The following OR9Q1 variants were observed in gnomAD, a reference collection of about 807,000 sequenced individuals.
OR9Q1 encodes the protein olfactory receptor family 9 subfamily Q member 1, also known as olfactory receptor 9Q1.
For synonymous variants in OR9Q1, 153 were observed against 148.6 expected, an observed-to-expected ratio of 1.03 and a Z score of -0.22; for missense variants, 374 against 378.8, an observed-to-expected ratio of 0.99 and a Z score of 0.11.
In OR9Q1 at chr11:58,074,885, T is replaced by C. The variant is rs551994694; in HGVS notation, c.-15+18938T>C. On this transcript the variant is annotated intron_variant, in intron 2 of 2. Coordinates refer to ENST00000335397, the MANE Select transcript of OR9Q1 (RefSeq NM_001005212.4). The stretch of plus-strand genomic sequence containing the variant: ...GGAATCCTTTCTCCATTTCTTGTTT[T>C]TGTCAGGTTTGTCAAAGATCAGATG... Among the ~76,000 whole-genome samples the C allele has an allele frequency of 2.0e-5, 3 of 152,316 alleles. No homozygotes were observed. The East Asian group carries it at 5.8e-4, about 29-fold the overall frequency.
chr11:58,035,265 A>C (rs1853090177), intron 1 of OR9Q1, among the ~76,000 whole-genome samples: 1 of 47,884 alleles, frequency 2.1e-5, no homozygotes, highest in East Asian at 1.7e-3. Flanking sequence ...ATTGCAGAAA[A>C]AGAAAAAAAA....
intron 1 of OR9Q1, among the ~76,000 whole-genome samples, chr11:58,035,429 G>A (rs981203479): frequency 5.3e-5 from 8 of 152,148 alleles, no homozygotes; most frequent in African/African-American, 1.9e-4. Context: ...TGGTATTTTG[G>A]AAATTGAAGG....
intron 1 of OR9Q1, chr11:58,030,864 T>C: frequency 1.3e-6 from 1 of 792,094 alleles, no homozygotes; most frequent in Non-Finnish European, 2.1e-6. Flanking sequence ...TGAAAGGCAT[T>C]TTAGTACAAC....
intron 2 of OR9Q1, chr11:58,118,900 G>T: frequency 3.7e-6 from 6 of 1,614,004 alleles, no homozygotes; most frequent in Non-Finnish European, 4.2e-6. Flanking sequence ...CAGCAGGGGT[G>T]GGAGGTCACA....
chr11:58,136,092 A>G (rs1475039679), intron 2 of OR9Q1, among the ~76,000 whole-genome samples: 1 of 152,168 alleles, frequency 6.6e-6, no homozygotes, highest in African/African-American at 2.4e-5. Context: ...ATAATTTAAA[A>G]GAGCAGACAA....
At chr11:58,030,347 T>A (rs570781553) in intron 1 of OR9Q1, among the ~76,000 whole-genome samples, 2 of 152,294 alleles carry the variant, frequency 1.3e-5, no homozygotes, top group East Asian at 3.9e-4. Context: ...TCTCTCTGTA[T>A]CTTATTCCAG....
At position 58,125,208 on chromosome 11, in the gene OR9Q1, A is replaced by T. The variant is rs541309259; in HGVS notation, c.-14-54223A>T. On this transcript the variant is annotated intron_variant, in intron 2 of 2. Coordinates refer to ENST00000335397, the MANE Select transcript of OR9Q1 (RefSeq NM_001005212.4). ...CTTAGTGACACAAAAGCCCAAAGAG[A>T]TTAAAGCTGTAGATTCCCCCCTTAC... 22 of 151,036 alleles carry T rather than the reference A, an allele frequency of 1.5e-4. No homozygotes were observed. The East Asian group carries it at 4.0e-3, about 27-fold the overall frequency. The allele number at this position is 151,036 out of a possible 1,614,324, so 9.4% of individuals were successfully genotyped here. A position where few individuals can be genotyped will look rare whatever the true frequency, so the allele number is the denominator to read the frequency against.
At chr11:58,167,007 T>A (rs939190293) in intron 2 of OR9Q1, among the ~76,000 whole-genome samples, 11 of 152,156 alleles carry the variant, frequency 7.2e-5, no homozygotes, top group Non-Finnish European at 2.9e-5. Flanking sequence ...CATCTACCCG[T>A]TTCCCACTCC....
chr11:58,037,366 T>A (rs1853109894), intron 1 of OR9Q1, among the ~76,000 whole-genome samples: 2 of 152,008 alleles, frequency 1.3e-5, no homozygotes. Context: ...CTTATTTCTG[T>A]GATCTGAAAC....
rs767563594 is a variant in OR9Q1 at position 58,180,174 on chromosome 11, C to G, written c.730C>G (p.Leu244Val). The G allele has an allele frequency of 6.2e-7, 1 of 1,613,884 alleles. No homozygotes were observed. The highest frequency in any genetic ancestry group is 8.5e-7 in the Non-Finnish European group (1 of 1,179,948). ...AKTFSTCTSH[L>V]TAVSLFFGTL... ...GACCTTCTCCACCTGCACCTCCCAC[C>G]TCACTGCTGTGTCACTCTTCTTTGG... Residue 244 changes from leucine to valine, a missense_variant, in exon 3 of 3, where the codon CTC becomes GTC. Coordinates refer to ENST00000335397, the MANE Select transcript of OR9Q1 (RefSeq NM_001005212.4).
intron 2 of OR9Q1, among the ~76,000 whole-genome samples, chr11:58,062,451 C>A (rs1406857355): frequency 6.6e-6 from 1 of 152,162 alleles, no homozygotes; most frequent in Non-Finnish European, 1.5e-5. Flanking sequence ...ATCTCCCCAG[C>A]ATCAAGCCCA....
chr11:58,031,887 A>G (rs771989151), intron 1 of OR9Q1: 1 of 1,611,592 alleles, frequency 6.2e-7, no homozygotes, highest in Non-Finnish European at 8.5e-7. Context: ...TTTTCTCTCA[A>G]CTTTTGGAAG....
intron 2 of OR9Q1, among the ~76,000 whole-genome samples, chr11:58,072,196 A>T (rs977052627): frequency 4.6e-5 from 7 of 152,204 alleles, no homozygotes; most frequent in African/African-American, 1.7e-4. Flanking sequence ...TACAACAAAA[A>T]CATCTATAAA....
chr11:58,127,643 TGTGAGCTCTTA>T (rs1005111300), intron 2 of OR9Q1, among the ~76,000 whole-genome samples: 4 of 152,304 alleles, frequency 2.6e-5, no homozygotes, highest in African/African-American at 7.2e-5. Context: ...GAAGGAGAGC[TGTGAGCTCTTA>T]GCAGCCAATA....
intron 2 of OR9Q1, among the ~76,000 whole-genome samples, chr11:58,058,150 A>G (rs1693650656): frequency 6.6e-6 from 1 of 152,224 alleles, no homozygotes; most frequent in South Asian, 2.1e-4. Flanking sequence ...CTGGCTTCCC[A>G]TGCATTGGCA....
chr11:58,118,195 G>A (rs1044924908), intron 2 of OR9Q1: 1 of 224,026 alleles, frequency 4.5e-6, no homozygotes, highest in East Asian at 9.4e-5. Context: ...AGAGTATTGG[G>A]TTGGAATGAA....
intron 2 of OR9Q1, among the ~76,000 whole-genome samples, chr11:58,111,453 A>G (rs1437352306): frequency 2.0e-5 from 3 of 152,170 alleles, no homozygotes; most frequent in Non-Finnish European, 2.9e-5. Flanking sequence ...TTTGACTTAT[A>G]CATTGCTGTG....
chr11:58,048,709 T>A (rs1853247083), intron 1 of OR9Q1, among the ~76,000 whole-genome samples: 4 of 140,464 alleles, frequency 2.8e-5, no homozygotes, highest in Non-Finnish European at 4.6e-5. Flanking sequence ...TTAGCAAGAC[T>A]AATAAAAAAA....
At chr11:58,168,717 T>G (rs1292785141) in intron 2 of OR9Q1, among the ~76,000 whole-genome samples, 3 of 152,194 alleles carry the variant, frequency 2.0e-5, no homozygotes, top group East Asian at 3.8e-4. Flanking sequence ...TGTTATTACT[T>G]TCTACTAAAA....
Sources: gnomAD v4.1 joint callset for allele counts (sites outside exome capture counted in the v4.1 genomes callset) on GRCh38, gnomAD v4.1.1 for gene constraint, MANE v1.5 for transcripts, NCBI Gene and HGNC (gene_info 2026-07-23, HGNC 2026-07-21) for gene names.